The following ARHGEF3 variants were observed in gnomAD, a reference collection of about 807,000 sequenced individuals.
ARHGEF3 encodes the protein 59.8 kDA protein.
In ARHGEF3, 28 loss-of-function variants were observed where a neutral mutation model predicts 63.2. That is an observed-to-expected ratio of 0.44 (90% CI 0.33 to 0.61). ARHGEF3 has a LOEUF of 0.61. Ranked by LOEUF, ARHGEF3 falls within the 20% of genes least tolerant of loss-of-function variation. The pLI is 0.03. For synonymous variants in ARHGEF3, 266 were observed against 254.2 expected (o/e 1.05, Z -0.44); for missense variants, 533 against 659.3 (o/e 0.81, Z 2.10).
At chr3:56,990,891 G>A (rs13067011) in intron 2 of ARHGEF3, among the ~76,000 whole-genome samples, 1 of 152,156 alleles carries the variant, frequency 6.6e-6, no homozygotes, top group Non-Finnish European at 1.5e-5. Context: ...TCCTGCCTAA[G>A]GGGTCAGGTG....
intron 6 of ARHGEF3, among the ~76,000 whole-genome samples, chr3:56,746,458 G>A (rs1255410890): frequency 1.3e-5 from 2 of 152,204 alleles, no homozygotes; most frequent in Non-Finnish European, 2.9e-5. Context: ...GCGGCCAGGC[G>A]CAGTGGCTCG....
chr3:56,822,926 T>C (rs2038572804), intron 4 of ARHGEF3, among the ~76,000 whole-genome samples: 1 of 151,994 alleles, frequency 6.6e-6, no homozygotes, highest in Non-Finnish European at 1.5e-5. Flanking sequence ...GTTGTTTTTA[T>C]TAAAAAGGGG....
intron 2 of ARHGEF3, among the ~76,000 whole-genome samples, chr3:56,771,977 G>A (rs773263687): frequency 4.6e-5 from 7 of 152,190 alleles, no homozygotes; most frequent in East Asian, 3.8e-4. Context: ...GGATGCCTGC[G>A]ATGAACTTGT....
At chr3:56,876,308 GT>G (rs2040584358) in intron 4 of ARHGEF3, among the ~76,000 whole-genome samples, 1 of 152,184 alleles carries the variant, frequency 6.6e-6, no homozygotes, top group Non-Finnish European at 1.5e-5. Flanking sequence ...TTGGAAAGAT[GT>G]CCCTGGCTGA....
At chr3:56,999,917 G>C (rs1196266426) in intron 2 of ARHGEF3, among the ~76,000 whole-genome samples, 6 of 152,186 alleles carry the variant, frequency 3.9e-5, no homozygotes, top group Admixed American at 1.3e-4. Context: ...ACTATGTAGG[G>C]AATGCTTAAA....
chr3:56,968,347 T>A (rs1700758234), intron 2 of ARHGEF3, among the ~76,000 whole-genome samples: 1 of 107,278 alleles, frequency 9.3e-6, no homozygotes, highest in South Asian at 2.5e-4. Flanking sequence ...ATATAATATA[T>A]ATATTTTTTG....
At chr3:57,028,228 A>G (rs1353967364) in intron 2 of ARHGEF3, among the ~76,000 whole-genome samples, 2 of 141,738 alleles carry the variant, frequency 1.4e-5, no homozygotes, top group Non-Finnish European at 3.1e-5. Flanking sequence ...TGCTGCTATA[A>G]AGACACATGC....
At chr3:56,942,322 T>C (rs11707653) in intron 3 of ARHGEF3, among the ~76,000 whole-genome samples, 17,568 of 152,270 alleles carry the variant, frequency 0.12, 1,281 homozygotes, top group East Asian at 0.25. Context: ...CATCACATTT[T>C]GTTCACTCAA....
upstream of ARHGEF3, among the ~76,000 whole-genome samples, chr3:56,806,749 C>T (rs990285763): frequency 2.0e-5 from 3 of 152,238 alleles, no homozygotes; most frequent in African/African-American, 7.2e-5. Context: ...CTCCTTAAAT[C>T]CCAGTCCCAT....
chr3:56,859,555 GGTCTCACT>G (rs1348663684), intron 4 of ARHGEF3, among the ~76,000 whole-genome samples: 11 of 149,130 alleles, frequency 7.4e-5, no homozygotes, highest in African/African-American at 2.7e-4. Context: ...TTTGAGACAG[GGTCTCACT>G]CTGTCACCCA....
chr3:57,002,483 A>ATATATATATATATATGT lies in ARHGEF3; in HGVS notation c.62+32604_62+32605insACATATATATATATATA. On this transcript the variant is annotated intron_variant, in intron 2 of 12. Transcript: ENST00000338458. ...AGCACTATATATATATATATGTTAT[A>ATATATATATATATATGT]TATATATATATATGTTATATATATA... Among the ~76,000 whole-genome samples, 19 of 40,694 alleles carry ATATATATATATATATGT rather than the reference A, an allele frequency of 4.7e-4. 1 individual carries two copies. Among genetic ancestry groups the ATATATATATATATATGT allele is most frequent in the East Asian group, 1.4e-3 (2 of 1,474 alleles). The allele number at this position is 40,694 out of a possible 152,430, so 26.7% of individuals were successfully genotyped here. A position where few individuals can be genotyped will look rare whatever the true frequency, so the allele number is the denominator to read the frequency against.
chr3:56,966,511 G>A (rs992278789), intron 2 of ARHGEF3, among the ~76,000 whole-genome samples: 1 of 152,228 alleles, frequency 6.6e-6, no homozygotes, highest in Non-Finnish European at 1.5e-5. Context: ...AGCTGGTGGG[G>A]AAGGAGGCAG....
At chr3:56,732,030 A>G in intron 9 of ARHGEF3, 1 of 621,386 alleles carries the variant, frequency 1.6e-6, no homozygotes, top group Non-Finnish European at 2.8e-6. Flanking sequence ...AATCTTATGA[A>G]GGAGGTACCT....
chr3:57,009,689 G>A (rs1702604912), intron 2 of ARHGEF3, among the ~76,000 whole-genome samples: 1 of 152,188 alleles, frequency 6.6e-6, no homozygotes, highest in South Asian at 2.1e-4. Flanking sequence ...GTGTGTCTGT[G>A]TGATGGAATG....
chr3:57,009,848 TAGTG>T (rs1702611754), intron 2 of ARHGEF3, among the ~76,000 whole-genome samples: 1 of 151,870 alleles, frequency 6.6e-6, no homozygotes, highest in South Asian at 2.1e-4. Flanking sequence ...ATAATAATAA[TAGTG>T]AGCAGCAACA....
chr3:57,060,738 C>T (rs1204365704), intron 1 of ARHGEF3: 1 of 152,132 alleles, frequency 6.6e-6, no homozygotes, highest in Non-Finnish European at 1.5e-5. Flanking sequence ...CCTGCAGCGT[C>T]AGATCCCAGC....
chr3:56,783,795 AG>A (rs1465345485), intron 1 of ARHGEF3, among the ~76,000 whole-genome samples: 1 of 152,224 alleles, frequency 6.6e-6, no homozygotes, highest in Non-Finnish European at 1.5e-5. Context: ...CAACATTATA[AG>A]GGTAAGTCAA....
At chr3:57,039,556 G>T (rs746829629) in intron 1 of ARHGEF3, among the ~76,000 whole-genome samples, 5 of 152,146 alleles carry the variant, frequency 3.3e-5, no homozygotes, top group Admixed American at 6.5e-5. Context: ...CAGCACAAAT[G>T]TATCTCCTCT....
chr3:56,828,941 T>C (rs983618967), intron 4 of ARHGEF3, among the ~76,000 whole-genome samples: 1 of 152,206 alleles, frequency 6.6e-6, no homozygotes, highest in African/African-American at 2.4e-5. Flanking sequence ...ATTATTATTT[T>C]TTTGAGACGG....
Sources: gnomAD v4.1 joint callset for allele counts (sites outside exome capture counted in the v4.1 genomes callset) on GRCh38, gnomAD v4.1.1 for gene constraint, MANE v1.5 for transcripts, NCBI Gene and HGNC (gene_info 2026-07-23, HGNC 2026-07-21) for gene names.